Variants in CPED1 observed in about 807,000 individuals in gnomAD.
The protein encoded by CPED1 is cadherin like and PC-esterase domain containing 1, also known as cadherin-like and PC-esterase domain-containing protein 1.
CPED1 carries 114 observed loss-of-function variants against 128.2 expected under a neutral mutation model. The observed-to-expected ratio is 0.89, with a 90% CI of 0.76 to 1.04. CPED1 has a LOEUF of 1.04. Among genes scored for constraint, CPED1 ranks in the 50% least tolerant of loss-of-function variants. The pLI is 0.00. For synonymous variants in CPED1, 462 were observed against 426.7 expected, an observed-to-expected ratio of 1.08 and a Z score of -1.02; for missense variants, 1,211 against 1,207.1, an observed-to-expected ratio of 1.00 and a Z score of -0.05.
chr7:121,080,689 G>A (rs1794263756), intron 5 of CPED1, among the ~76,000 whole-genome samples: 1 of 148,532 alleles, frequency 6.7e-6, no homozygotes, highest in South Asian at 2.2e-4. Flanking sequence ...ATTTACTTAT[G>A]CATTTTAAAA....
chr7:121,011,175 T>A (rs1404399645), intron 2 of CPED1, among the ~76,000 whole-genome samples: 1 of 152,114 alleles, frequency 6.6e-6, no homozygotes, highest in Non-Finnish European at 1.5e-5. Context: ...CATGGCTACT[T>A]TAATAAATCC....
intron 5 of CPED1, among the ~76,000 whole-genome samples, chr7:121,087,388 G>T (rs1259617729): frequency 1.3e-5 from 2 of 152,106 alleles, no homozygotes; most frequent in Non-Finnish European, 2.9e-5. Flanking sequence ...TAATAAATCA[G>T]TTTATTATTT....
chr7:121,164,390 C>T (rs1003087871), intron 16 of CPED1, among the ~76,000 whole-genome samples: 8 of 152,190 alleles, frequency 5.3e-5, no homozygotes, highest in Non-Finnish European at 8.8e-5. Flanking sequence ...CTATGTTGAC[C>T]AGGATACTGG....
intron 4 of CPED1, among the ~76,000 whole-genome samples, chr7:121,061,450 A>T (rs1367117230): frequency 2.0e-5 from 3 of 152,216 alleles, no homozygotes; most frequent in African/African-American, 2.4e-5. Context: ...TAAAAATGAT[A>T]AAAAATGATA....
At chr7:121,283,224 A>G (rs1792497014) in intron 22 of CPED1, among the ~76,000 whole-genome samples, 1 of 152,240 alleles carries the variant, frequency 6.6e-6, no homozygotes, top group South Asian at 2.1e-4. Flanking sequence ...TGGGGTTTAT[A>G]TAGAACTACC....
chr7:121,260,223 G>GTTTTTTT (rs59370305), intron 18 of CPED1, among the ~76,000 whole-genome samples: 4 of 69,978 alleles, frequency 5.7e-5, no homozygotes, highest in South Asian at 7.8e-4. Context: ...CTTGCTTCGC[G>GTTTTTTT]TTTTTTTTTT....
In CPED1 at chr7:120,992,234, A is replaced by G. The variant is rs566588415; in HGVS notation, c.249+2364A>G. ...CCTAGAATTAGCTTTGAGGCATTTT[A>G]TAGAAGTAGCATTGTTTCTATCTGT... On this transcript the variant is annotated intron_variant, in intron 2 of 22. Coordinates refer to ENST00000310396, the MANE Select transcript of CPED1 (RefSeq NM_024913.5). Among the ~76,000 whole-genome samples, 3 of 152,310 alleles carry G rather than the reference A, an allele frequency of 2.0e-5. No homozygotes were observed. In the South Asian group the frequency reaches 6.2e-4, roughly 32 times the overall value.
intron 16 of CPED1, among the ~76,000 whole-genome samples, chr7:121,217,105 G>A (rs894562642): frequency 6.6e-6 from 1 of 151,718 alleles, no homozygotes; most frequent in Non-Finnish European, 1.5e-5. Flanking sequence ...CACCCAAGCT[G>A]GAATGCAGTG....
chr7:121,236,382 A>G (rs1248817597), intron 16 of CPED1, among the ~76,000 whole-genome samples: 1 of 151,912 alleles, frequency 6.6e-6, no homozygotes, highest in Non-Finnish European at 1.5e-5. Flanking sequence ...TTCCCTTCTC[A>G]CATGAACCGT....
chr7:121,050,777 A>G (rs563509775), intron 4 of CPED1: 7 of 456,034 alleles, frequency 1.5e-5, no homozygotes, highest in African/African-American at 1.4e-4. Flanking sequence ...GGTTGTCTTA[A>G]GTAGCTTTCT....
intron 5 of CPED1, among the ~76,000 whole-genome samples, chr7:121,077,798 A>C (rs1028560086): frequency 2.0e-5 from 3 of 151,788 alleles, no homozygotes; most frequent in Non-Finnish European, 2.9e-5. Flanking sequence ...TTAAATGTAA[A>C]TATATACTTG....
chr7:121,294,614 G>A (rs1792783299), intron 22 of CPED1, among the ~76,000 whole-genome samples: 1 of 152,040 alleles, frequency 6.6e-6, no homozygotes, highest in East Asian at 1.9e-4. Context: ...GATTCAGAGG[G>A]ATGTGTAGGA....
At chr7:121,180,702 C>T (rs184269979) in intron 16 of CPED1, among the ~76,000 whole-genome samples, 71 of 152,072 alleles carry the variant, frequency 4.7e-4, no homozygotes, top group Middle Eastern at 3.4e-3. Context: ...CAGGAAGAGA[C>T]TTAAATGCAC....
intron 22 of CPED1, among the ~76,000 whole-genome samples, chr7:121,283,315 C>A (rs952885519): frequency 6.6e-6 from 1 of 152,146 alleles, no homozygotes; most frequent in African/African-American, 2.4e-5. Flanking sequence ...ATTCTTCTAT[C>A]TCAGTATTGA....
intron 5 of CPED1, among the ~76,000 whole-genome samples, chr7:121,087,754 G>A (rs1260735674): frequency 1.4e-5 from 2 of 147,214 alleles, no homozygotes; most frequent in Non-Finnish European, 3.0e-5. Context: ...TCTGCCTCCC[G>A]GGTTCAAGCA....
chr7:121,011,054 T>C (rs1792154183), intron 2 of CPED1, among the ~76,000 whole-genome samples: 1 of 152,160 alleles, frequency 6.6e-6, no homozygotes, highest in Non-Finnish European at 1.5e-5. Context: ...ATAATATTTC[T>C]AAAATGCCAA....
chr7:120,991,887 C>G (rs1399822319), intron 2 of CPED1, among the ~76,000 whole-genome samples: 1 of 152,120 alleles, frequency 6.6e-6, no homozygotes, highest in African/African-American at 2.4e-5. Flanking sequence ...AGTAGATTTC[C>G]AAACATTAGC....
intron 16 of CPED1, among the ~76,000 whole-genome samples, chr7:121,219,209 C>A (rs778450694): frequency 8.5e-5 from 13 of 152,052 alleles, no homozygotes; most frequent in Non-Finnish European, 1.6e-4. Flanking sequence ...GAAACCACAA[C>A]AAAGGCTGCT....
intron 22 of CPED1, among the ~76,000 whole-genome samples, chr7:121,273,423 G>C (rs1178221344): frequency 6.6e-6 from 1 of 152,020 alleles, no homozygotes; most frequent in East Asian, 1.9e-4. Context: ...TGGGGAGGTA[G>C]AGGCAGGAGA....
Sources: allele counts gnomAD v4.1 joint callset (sites outside exome capture counted in the v4.1 genomes callset), GRCh38; gene constraint gnomAD v4.1.1; transcripts MANE v1.5; gene names NCBI Gene and HGNC (gene_info 2026-07-23, HGNC 2026-07-21).